Variants in APBA2 observed in about 807,000 individuals in gnomAD.
The protein encoded by APBA2 is amyloid-beta A4 precursor protein-binding family A member 2.
Under a neutral mutation model 75.0 loss-of-function variants are expected in APBA2, and 30 were observed. That is an observed-to-expected ratio of 0.40 (90% CI 0.30 to 0.54). APBA2 has a LOEUF of 0.54. Among genes scored for constraint, APBA2 ranks in the 20% least tolerant of loss-of-function variants. The probability of loss-of-function intolerance (pLI) is 0.49; values close to 1 mark genes in which losing one functional copy is unlikely to be tolerated. For synonymous variants in APBA2, 444 were observed against 409.6 expected (o/e 1.08, Z -1.01); for missense variants, 801 against 1,016.1 (o/e 0.79, Z 2.88).
At chr15:29,106,893 C>T (rs1487494428) in intron 12 of APBA2, 74 bp downstream of exon 12, 3 of 1,404,290 alleles carry the variant, frequency 2.1e-6, no homozygotes, top group South Asian at 2.4e-5. Flanking sequence ...TGCTGCAATC[C>T]CCACTTCACT....
intron 2 of APBA2, among the ~76,000 whole-genome samples, chr15:28,923,443 G>A (rs1289615886): frequency 6.6e-6 from 1 of 152,050 alleles, no homozygotes; most frequent in Non-Finnish European, 1.5e-5. Context: ...CATCATTTAG[G>A]TGAACCCTTA....
intron 1 of APBA2, among the ~76,000 whole-genome samples, chr15:28,890,111 A>G (rs866143182): frequency 6.6e-6 from 1 of 152,184 alleles, no homozygotes; most frequent in South Asian, 2.1e-4. Flanking sequence ...CCCGCGTCCC[A>G]GAGCTGGAAC....
chr15:28,960,535 C>A (rs1360855473), intron 2 of APBA2, among the ~76,000 whole-genome samples: 1 of 151,986 alleles, frequency 6.6e-6, no homozygotes, highest in African/African-American at 2.4e-5. Flanking sequence ...TAGAAACCCT[C>A]GCTGGTGGGT....
chr15:28,915,723 T>A, intron 1 of APBA2, among the ~76,000 whole-genome samples: 1 of 144,418 alleles, frequency 6.9e-6, no homozygotes, highest in Admixed American at 6.9e-5. Context: ...CCACACACAC[T>A]ACACCATGCA....
chr15:28,979,926 G>A (rs1323259018), intron 2 of APBA2, among the ~76,000 whole-genome samples: 3 of 152,156 alleles, frequency 2.0e-5, no homozygotes, highest in African/African-American at 7.2e-5. Context: ...AACCATCCTC[G>A]GCTGATTGGT....
At chr15:29,093,829 G>T (rs2043707145) in intron 7 of APBA2, among the ~76,000 whole-genome samples, 1 of 152,160 alleles carries the variant, frequency 6.6e-6, no homozygotes, top group Non-Finnish European at 1.5e-5. Context: ...CTCCTCCCCA[G>T]CCCTCACCAT....
chr15:28,912,906 T>C (rs1409509036), intron 1 of APBA2, among the ~76,000 whole-genome samples: 1 of 152,258 alleles, frequency 6.6e-6, no homozygotes, highest in African/African-American at 2.4e-5. Flanking sequence ...ATTGATCCAT[T>C]CATTCATCAT....
intron 6 of APBA2, among the ~76,000 whole-genome samples, chr15:29,086,313 A>G (rs1007773646): frequency 2.0e-5 from 3 of 152,190 alleles, no homozygotes; most frequent in Admixed American, 2.0e-4. Flanking sequence ...TCCTGAGCCA[A>G]AGTCACCCAG....
Position 29,114,789 on chromosome 15 carries a change from AGTGTGT to A in APBA2, c.2178+781_2178+786del, listed in dbSNP as rs67521715. ...ATGTACCTGAGTGTGCGTGTGGAGG[AGTGTGT>A]GTGTGTGGGTGAGTGTATGCGGATG... On this transcript the variant is annotated intron_variant, in intron 14 of 14. Transcript: ENST00000683413. Among the ~76,000 whole-genome samples, 17 of 141,184 alleles carry A rather than the reference AGTGTGT, an allele frequency of 1.2e-4. No homozygotes were observed. The South Asian group carries it at 2.0e-3, about 16-fold the overall frequency. The allele number at this position is 141,184 out of a possible 152,430, so 92.6% of individuals were successfully genotyped here.
At chr15:29,061,145 A>G (rs762305131) in intron 4 of APBA2, among the ~76,000 whole-genome samples, 32 of 152,294 alleles carry the variant, frequency 2.1e-4, no homozygotes, top group Middle Eastern at 6.8e-3. Context: ...CCTGGATGGC[A>G]TGTTCTCTGG....
At chr15:29,114,900 T>A (rs1468640897) in intron 14 of APBA2, among the ~76,000 whole-genome samples, 7 of 130,310 alleles carry the variant, frequency 5.4e-5, no homozygotes, top group African/African-American at 1.9e-4. Flanking sequence ...TGGGTGTGTG[T>A]GAGCATGGGG....
rs903813670 is a variant in APBA2, at chr15:29,054,189, G to A, written c.305G>A (p.Arg102His). ...EEEEGITYYIRYCPEDDSYLE... is the reference protein window; with the variant it reads ...EEEEGITYYIHYCPEDDSYLE... ...GAGGAGGGCATCACCTACTACATCC[G>A]CTACTGCCCTGAGGACGACAGCTAC... Residue 102 changes from arginine (R) to histidine (H), a missense_variant, in exon 4 of 15, where the codon CGC becomes CAC. This residue lies in a region of APBA2 where 434 missense variants were observed against 471.6 expected (regional missense o/e 0.92). Coordinates refer to ENST00000683413, the MANE Select transcript of APBA2 (RefSeq NM_001353788.2). The surrounding 1 kb of genome is among the most constrained non-coding windows in gnomAD (Gnocchi z 6.1). The A allele has an allele frequency of 6.2e-6, 10 of 1,614,038 alleles. No individual in the cohort carries two copies. Among genetic ancestry groups the A allele is most frequent in the Middle Eastern group, 1.6e-4 (1 of 6,082 alleles).
intron 3 of APBA2, among the ~76,000 whole-genome samples, chr15:29,049,681 A>G (rs1037661411): frequency 3.9e-5 from 6 of 152,174 alleles, no homozygotes; most frequent in African/African-American, 1.4e-4. Context: ...ACTGTATCTT[A>G]CACTGCCCAG....
intron 3 of APBA2, among the ~76,000 whole-genome samples, chr15:29,033,330 C>T (rs533860978): frequency 1.3e-5 from 2 of 152,320 alleles, no homozygotes; most frequent in Non-Finnish European, 2.9e-5. Context: ...CTGTCCACAA[C>T]AGGAATGGTC....
intron 2 of APBA2, among the ~76,000 whole-genome samples, chr15:28,928,219 G>A (rs1351130992): frequency 6.6e-6 from 1 of 151,774 alleles, no homozygotes; most frequent in East Asian, 1.9e-4. Context: ...AGCTAGATAT[G>A]ATGTATAGGG....
chr15:29,092,956 C>A, intron 6 of APBA2, 119 bp from the exon 7 acceptor site: 1 of 1,339,410 alleles, frequency 7.5e-7, no homozygotes, highest in Non-Finnish European at 1.1e-6. Flanking sequence ...AATGGTTGGG[C>A]CCTTCTAGTT....
At chr15:28,982,723 A>T (rs1048382521) in intron 2 of APBA2, among the ~76,000 whole-genome samples, 7 of 152,228 alleles carry the variant, frequency 4.6e-5, no homozygotes, top group Non-Finnish European at 8.8e-5. Flanking sequence ...AAGCAAGACT[A>T]GGAAGAGGCA....
At chr15:29,057,588 G>C (rs1177837436) in intron 4 of APBA2, among the ~76,000 whole-genome samples, 2 of 152,150 alleles carry the variant, frequency 1.3e-5, no homozygotes, top group South Asian at 2.1e-4. Flanking sequence ...TCATAACCCA[G>C]ATGTATTTTT....
At chr15:28,915,308 C>CACATACCCCATACAT in intron 1 of APBA2, among the ~76,000 whole-genome samples, 1 of 151,850 alleles carries the variant, frequency 6.6e-6, no homozygotes, top group African/African-American at 2.4e-5. Context: ...ATACACCACA[C>CACATACCCCATACAT]ACCACACACC....
Sources: allele counts gnomAD v4.1 joint callset (sites outside exome capture counted in the v4.1 genomes callset), GRCh38; gene constraint gnomAD v4.1.1; regional missense constraint gnomAD v4.1.1; non-coding constraint Gnocchi (gnomAD v3.1); transcripts MANE v1.5; gene names NCBI Gene and HGNC (gene_info 2026-07-23, HGNC 2026-07-21).